RBM19: variants seen among roughly 807,000 people sequenced by gnomAD.
RBM19 encodes the protein probable RNA-binding protein 19.
RBM19 carries 94 observed loss-of-function variants against 116.8 expected under a neutral mutation model. The observed-to-expected ratio is 0.80, with a 90% CI of 0.68 to 0.95. The LOEUF (loss-of-function observed/expected upper bound fraction) is 0.95. Ranked by LOEUF, RBM19 falls within the 40% of genes least tolerant of loss-of-function variation. The pLI, the probability that RBM19 is intolerant of heterozygous loss-of-function variation, is 0.00. For missense variants in RBM19, 1,161 were observed against 1,220.7 expected (o/e 0.95, Z 0.73); for synonymous variants, 475 against 494.1 (o/e 0.96, Z 0.51).
intron 21 of RBM19, among the ~76,000 whole-genome samples, chr12:113,913,457 C>T (rs906646667): frequency 1.3e-5 from 2 of 152,176 alleles, no homozygotes; most frequent in Non-Finnish European, 2.9e-5. Flanking sequence ...GATCCTGCTT[C>T]CCAGATACTG....
In RBM19 at chr12:113,923,912, C is replaced by T. The variant is rs115902638; in HGVS notation, c.2305+785G>A. On this transcript the variant is annotated intron_variant, in intron 18 of 23. Coordinates refer to ENST00000261741, the MANE Select transcript of RBM19 (RefSeq NM_016196.4). Reference sequence around the variant, plus strand: ...CCTGCTGCCTGGTGGGGCCTGGGGACTGTCTGAGGAGTAACTCAACAGCAG... The same window carrying T: ...CCTGCTGCCTGGTGGGGCCTGGGGATTGTCTGAGGAGTAACTCAACAGCAG... Among the ~76,000 whole-genome samples, 300 of 152,376 alleles carry T rather than the reference C, an allele frequency of 2.0e-3. 1 individual carries two copies. The highest frequency in any genetic ancestry group is 7.1e-3 in the African/African-American group (297 of 41,586).
intron 23 of RBM19, among the ~76,000 whole-genome samples, chr12:113,830,606 G>A (rs1239619948): frequency 7.0e-6 from 1 of 143,422 alleles, no homozygotes; most frequent in Non-Finnish European, 1.5e-5. Flanking sequence ...ATGCCTGGGG[G>A]CTTCTAGACT....
chr12:113,909,632 C>T (rs1435531083), intron 21 of RBM19, among the ~76,000 whole-genome samples: 2 of 152,170 alleles, frequency 1.3e-5, no homozygotes, highest in Non-Finnish European at 2.9e-5. Flanking sequence ...TGGATGTCAG[C>T]TTCCCACAGA....
chr12:113,890,226 A>C (rs1268040257), intron 21 of RBM19, among the ~76,000 whole-genome samples: 1 of 152,214 alleles, frequency 6.6e-6, no homozygotes, highest in Non-Finnish European at 1.5e-5. Flanking sequence ...AAAAATGCTA[A>C]TGATTCTGGG....
intron 23 of RBM19, among the ~76,000 whole-genome samples, chr12:113,833,070 A>T (rs1017801409): frequency 1.6e-4 from 25 of 152,198 alleles, no homozygotes; most frequent in African/African-American, 5.8e-4. Flanking sequence ...CAACTCATAG[A>T]TCTATCTGCC....
intron 19 of RBM19, among the ~76,000 whole-genome samples, chr12:113,919,501 G>A (rs1027180558): frequency 1.3e-5 from 2 of 152,202 alleles, no homozygotes; most frequent in Non-Finnish European, 2.9e-5. Flanking sequence ...AACCTGGGAG[G>A]CGGAGCTTGC....
chr12:113,912,962 A>G (rs1295221287), intron 21 of RBM19, among the ~76,000 whole-genome samples: 1 of 152,148 alleles, frequency 6.6e-6, no homozygotes, highest in Non-Finnish European at 1.5e-5. Context: ...ACGGCCCTCC[A>G]AGAAGGTCTT....
At chr12:113,905,076 C>T (rs1881951316) in intron 21 of RBM19, among the ~76,000 whole-genome samples, 1 of 152,188 alleles carries the variant, frequency 6.6e-6, no homozygotes, top group African/African-American at 2.4e-5. Flanking sequence ...CCTGCTAGTC[C>T]CCCTGAGAGA....
downstream of RBM19, among the ~76,000 whole-genome samples, chr12:113,821,590 T>C (rs7954178): frequency 0.92 from 139,953 of 152,074 alleles, 64,420 homozygotes; most frequent in East Asian, 0.97. Flanking sequence ...AGGCTGTGGT[T>C]GATGTGACTC....
chr12:113,854,381 G>T (rs1268144230), intron 22 of RBM19, among the ~76,000 whole-genome samples: 8 of 152,144 alleles, frequency 5.3e-5, no homozygotes, highest in Admixed American at 4.6e-4. Flanking sequence ...CGTGCACACG[G>T]TGTAGACCCA....
chr12:113,913,820 G>T (rs938118530), intron 21 of RBM19, among the ~76,000 whole-genome samples: 2 of 152,184 alleles, frequency 1.3e-5, no homozygotes, highest in Non-Finnish European at 2.9e-5. Context: ...TCACCCACGC[G>T]CAGGCCATGG....
chr12:113,911,937 G>A (rs1159644056), intron 21 of RBM19, among the ~76,000 whole-genome samples: 1 of 152,212 alleles, frequency 6.6e-6, no homozygotes, highest in Non-Finnish European at 1.5e-5. Flanking sequence ...CAGAGAAGAC[G>A]AGAATCGCTG....
intron 16 of RBM19, among the ~76,000 whole-genome samples, chr12:113,929,364 C>A (rs773112481): frequency 9.2e-5 from 14 of 152,222 alleles, no homozygotes; most frequent in Non-Finnish European, 2.1e-4. Flanking sequence ...CAGTTGAACA[C>A]ACTGCCTTCC....
At chr12:113,887,283 G>C (rs547964252) in intron 21 of RBM19, among the ~76,000 whole-genome samples, 126 of 152,136 alleles carry the variant, frequency 8.3e-4, no homozygotes, top group African/African-American at 2.9e-3. Context: ...CTCTGATCTA[G>C]AGGAGCCTTT....
Position 113,927,140 on chromosome 12 carries a change from C to T in RBM19, c.2158G>A (p.Glu720Lys). 1.2e-6 allele frequency: 2 copies of T among 1,611,294 alleles called. No individual in the cohort carries two copies. Among genetic ancestry groups the T allele is most frequent in the Non-Finnish European group, 8.5e-7 (1 of 1,178,838 alleles). Residue 720 changes from glutamate (E) to lysine (K), a missense_variant, in exon 17 of 24, where the codon GAG (glutamate) becomes AAG (lysine). Coordinates refer to ENST00000261741, the MANE Select transcript of RBM19 (RefSeq NM_016196.4). ...SAKMEEEEEE[E>K]EEEEESLPGC... is the part of the protein sequence containing the mutation. Reference sequence around the variant, plus strand: ...GGGAGGCTCTCTTCTTCTTCTTCCTCTTCCTCCTCCTCCTCTTCCATCTTT... The same window carrying T: ...GGGAGGCTCTCTTCTTCTTCTTCCTTTTCCTCCTCCTCCTCTTCCATCTTT...
intron 7 of RBM19, among the ~76,000 whole-genome samples, chr12:113,954,440 G>T (rs1057448085): frequency 6.6e-6 from 1 of 152,220 alleles, no homozygotes; most frequent in African/African-American, 2.4e-5. Context: ...GTTTGCCTGG[G>T]ATGAGTTGTC....
intron 22 of RBM19, among the ~76,000 whole-genome samples, chr12:113,845,281 C>T (rs1876862028): frequency 6.6e-6 from 1 of 152,152 alleles, no homozygotes; most frequent in African/African-American, 2.4e-5. Flanking sequence ...TCTCTGCTGC[C>T]AGTGCCCTTC....
At chr12:113,890,488 G>A (rs1880886016) in intron 21 of RBM19, among the ~76,000 whole-genome samples, 2 of 152,316 alleles carry the variant, frequency 1.3e-5, no homozygotes, top group Non-Finnish European at 1.5e-5. Flanking sequence ...CCGGCAGCTC[G>A]ATAATAACTC....
Position 113,959,234 on chromosome 12 carries a change from C to G in RBM19, c.549G>C (p.Glu183Asp). Reference protein sequence around the residue: ...DSDSGQESEEEGAGEDLEEEA... With the variant: ...DSDSGQESEEDGAGEDLEEEA... ...CACCTTCCAGGTCCTCCCCGGCTCC[C>G]TCCTCCTCACTCTCCTGCCCAGAAT... The change falls in exon 5 of 24, where the codon GAG becomes GAC. Residue 183 changes from glutamate to aspartate, a missense_variant. Transcript: ENST00000261741. 1 of 1,612,276 alleles carries G rather than the reference C, an allele frequency of 6.2e-7. No homozygotes were observed.
Sources: gnomAD v4.1 joint callset for allele counts (sites outside exome capture counted in the v4.1 genomes callset) on GRCh38, gnomAD v4.1.1 for gene constraint, MANE v1.5 for transcripts, NCBI Gene and HGNC (gene_info 2026-07-23, HGNC 2026-07-21) for gene names.